Variants in SPAG9 observed in about 807,000 individuals in gnomAD.
SPAG9 encodes sperm associated antigen 9, also known as C-Jun-amino-terminal kinase-interacting protein 4.
SPAG9 carries 35 observed loss-of-function variants against 166.5 expected under a neutral mutation model. That is an observed-to-expected ratio of 0.21 (90% CI 0.16 to 0.28). SPAG9 has a LOEUF of 0.28. SPAG9 is among the 10% of genes least tolerant of loss of function. The pLI is 1.00. For synonymous variants in SPAG9, 534 were observed against 565.5 expected (o/e 0.94, Z 0.79); for missense variants, 1,235 against 1,603.3 (o/e 0.77, Z 3.92).
chr17:51,086,823 G>A (rs373308993), intron 1 of SPAG9, among the ~76,000 whole-genome samples: 6 of 152,202 alleles, frequency 3.9e-5, no homozygotes, highest in African/African-American at 1.4e-4. Context: ...TTGGGAGGCT[G>A]AGGTAGGAAA....
intron 6 of SPAG9, among the ~76,000 whole-genome samples, chr17:51,023,695 G>A (rs2046035948): frequency 6.6e-6 from 1 of 151,868 alleles, no homozygotes; most frequent in Non-Finnish European, 1.5e-5. Flanking sequence ...ACAGAGTCTC[G>A]TTCTTGTCAC....
At chr17:51,060,270 C>T (rs1383287298) in intron 2 of SPAG9, among the ~76,000 whole-genome samples, 2 of 151,782 alleles carry the variant, frequency 1.3e-5, no homozygotes, top group Non-Finnish European at 2.9e-5. Context: ...TTTGGGAGGC[C>T]GAGGCAGGTG....
At position 50,984,963 on chromosome 17, in the gene SPAG9, G is replaced by C; in HGVS notation, c.3048C>G (p.Ala1016=). 6.2e-7 allele frequency: 1 copy of C among 1,614,120 alleles called. No individual in the cohort carries two copies. Among genetic ancestry groups the C allele is most frequent in the Non-Finnish European group, 8.5e-7 (1 of 1,180,014 alleles). Residue 1016 remains alanine (A), a synonymous_variant, in exon 24 of 30, where the codon GCC becomes GCG. Transcript: ENST00000262013. The part of the protein sequence containing the change: ...IVHVKGIVLV[A]LADGTLAIFH... ...AGATTGCAAGGGTGCCGTCAGCCAG[G>C]GCTACTAACACGATTCCCTTCACGT... is the stretch of plus-strand genomic sequence containing the variant.
At chr17:51,115,853 GAAAAGA>G (rs1036749698) in intron 1 of SPAG9, among the ~76,000 whole-genome samples, 2 of 133,216 alleles carry the variant, frequency 1.5e-5, no homozygotes, top group Non-Finnish European at 3.6e-5. Flanking sequence ...GAAAAGAAAA[GAAAAGA>G]AAAAGAAAAG....
At chr17:51,097,653 G>A (rs1471872937) in intron 1 of SPAG9, among the ~76,000 whole-genome samples, 5 of 152,026 alleles carry the variant, frequency 3.3e-5, no homozygotes, top group African/African-American at 9.7e-5. Context: ...AAGTGTTGTC[G>A]GTAGTCTTGG....
At chr17:51,071,089 AT>A (rs1469728364) in intron 2 of SPAG9, among the ~76,000 whole-genome samples, 20 of 152,180 alleles carry the variant, frequency 1.3e-4, no homozygotes, top group African/African-American at 4.6e-4. Flanking sequence ...CTAAACTATG[AT>A]TTCTTTAACC....
In SPAG9 at chr17:51,086,376, C is replaced by T. The variant is rs903151619; in HGVS notation, c.304-6672G>A. Among the ~76,000 whole-genome samples, 68 of 151,930 alleles carry T rather than the reference C, an allele frequency of 4.5e-4. 2 individuals carry two copies. Among genetic ancestry groups the T allele is most frequent in the Non-Finnish European group, 1.3e-4 (9 of 68,004 alleles). On this transcript the variant is annotated intron_variant, in intron 1 of 29. Coordinates refer to ENST00000262013, the MANE Select transcript of SPAG9 (RefSeq NM_001130528.3). The stretch of plus-strand genomic sequence containing the variant: ...CTAATCACAGCCATGTGCAGTGGCT[C>T]ATTCCTGTAATCCTAGCACTTTGGG...
chr17:51,098,425 C>A (rs9897899), intron 1 of SPAG9, among the ~76,000 whole-genome samples: 7,278 of 151,976 alleles, frequency 0.048, 512 homozygotes, highest in African/African-American at 0.16. Flanking sequence ...TCCAAACACA[C>A]AGGCCCTGCC....
chr17:51,073,100 C>T (rs1470226087), intron 2 of SPAG9, among the ~76,000 whole-genome samples: 2 of 151,980 alleles, frequency 1.3e-5, no homozygotes, highest in Admixed American at 6.6e-5. Context: ...CAGAGGTGGG[C>T]GGATCACCAG....
intron 1 of SPAG9, among the ~76,000 whole-genome samples, chr17:51,098,103 C>A (rs1388169571): frequency 6.6e-6 from 1 of 152,140 alleles, no homozygotes; most frequent in Non-Finnish European, 1.5e-5. Flanking sequence ...GGATTATAGG[C>A]ATGAGCCACT....
rs71353691 is a variant in SPAG9 at position 50,971,459 on chromosome 17, C to CTTTT, written c.3701-607_3701-604dup. On this transcript the variant is annotated intron_variant, in intron 28 of 29. Transcript: ENST00000262013. Reference sequence around the variant, plus strand: ...GTCTTAGCTGCCTGCTTCAAACTACCTTTTTTTTTTTTTTTTTTTTTTTTT... The same window carrying CTTTT: ...GTCTTAGCTGCCTGCTTCAAACTACCTTTTTTTTTTTTTTTTTTTTTTTTTTTTT... Among the ~76,000 whole-genome samples, 17 of 89,872 alleles carry CTTTT rather than the reference C, an allele frequency of 1.9e-4. 2 individuals are homozygous for CTTTT. The highest frequency in any genetic ancestry group is 3.2e-4 in the African/African-American group (7 of 21,800). The allele number at this position is 89,872 out of a possible 152,430, so 59.0% of individuals were successfully genotyped here.
intron 29 of SPAG9, 118 bp downstream of exon 29, chr17:50,970,589 A>T: frequency 1.3e-6 from 1 of 768,254 alleles, no homozygotes; most frequent in Non-Finnish European, 2.0e-6. Context: ...TTTCGTGTGT[A>T]AAGAGCTCAA....
rs1459909746 is a variant in SPAG9 at position 50,995,693 on chromosome 17, G to A, written c.1969-160C>T. 13 of 601,712 alleles carry A rather than the reference G, an allele frequency of 2.2e-5. 1 individual carries two copies. Among genetic ancestry groups the A allele is most frequent in the South Asian group, 1.6e-4 (8 of 49,428 alleles). 37.3% of individuals were successfully genotyped at this position (601,712 alleles called of 1,614,324 possible). On this transcript the variant is annotated intron_variant, in intron 16 of 29. Coordinates refer to ENST00000262013, the MANE Select transcript of SPAG9 (RefSeq NM_001130528.3). ...TTTTTTGTTTTTTTGAGACAGGGTC[G>A]CTCTACTGCCCAGGCTAGAGTGCAG... is the stretch of plus-strand genomic sequence containing the variant.
At chr17:51,047,307 A>G (rs2047052846) in intron 4 of SPAG9, 68 bp downstream of exon 4, 4 of 909,296 alleles carry the variant, frequency 4.4e-6, no homozygotes, top group Middle Eastern at 2.8e-4. Flanking sequence ...TAAAGAACAG[A>G]GAAAAACAGA....
chr17:51,106,867 G>C (rs1331061665), intron 1 of SPAG9, among the ~76,000 whole-genome samples: 1 of 151,934 alleles, frequency 6.6e-6, no homozygotes, highest in African/African-American at 2.4e-5. Flanking sequence ...ACTTTGGGAG[G>C]CTGAAGTGTG....
intron 1 of SPAG9, among the ~76,000 whole-genome samples, chr17:51,103,330 G>A (rs1044332633): frequency 6.6e-6 from 1 of 152,192 alleles, no homozygotes; most frequent in Admixed American, 6.6e-5. Flanking sequence ...AGTGCTACAA[G>A]AGGGCAAGAG....
At chr17:51,046,850 C>CAA in intron 4 of SPAG9, 1 of 1,530,816 alleles carries the variant, frequency 6.5e-7, no homozygotes, top group East Asian at 2.5e-5. Context: ...ACCTCATAAC[C>CAA]ATAGAGCTGC....
chr17:51,096,022 G>GATATATAT (rs200258056), intron 1 of SPAG9, among the ~76,000 whole-genome samples: 7 of 95,262 alleles, frequency 7.3e-5, no homozygotes, highest in African/African-American at 2.9e-4. Flanking sequence ...TATATATAGT[G>GATATATAT]ATATATATAT....
At chr17:50,975,839 GTT>G in intron 27 of SPAG9, 1 of 1,526,864 alleles carries the variant, frequency 6.5e-7, no homozygotes, top group African/African-American at 1.4e-5. Flanking sequence ...AGGAAGAAGA[GTT>G]TGGTTCAGAA....
Sources: allele counts gnomAD v4.1 joint callset (sites outside exome capture counted in the v4.1 genomes callset), GRCh38; gene constraint gnomAD v4.1.1; transcripts MANE v1.5; gene names NCBI Gene and HGNC (gene_info 2026-07-23, HGNC 2026-07-21).